The following FSHR variants were observed in gnomAD, a reference collection of about 807,000 sequenced individuals.
FSHR encodes follicle stimulating hormone receptor.
FSHR carries 46 observed loss-of-function variants against 52.1 expected under a neutral mutation model. The observed-to-expected ratio is 0.88, with a 90% CI of 0.70 to 1.13. The LOEUF is 1.13. FSHR is among the 50% of genes most tolerant of loss of function. The probability of loss-of-function intolerance (pLI) is 0.00; values close to 1 mark genes in which losing one functional copy is unlikely to be tolerated. For synonymous variants in FSHR, 399 were observed against 309.6 expected (o/e 1.29, Z -3.03); for missense variants, 964 against 834.6 (o/e 1.16, Z -1.91).
At chr2:49,079,988 T>G (rs1326764279) in intron 1 of FSHR, among the ~76,000 whole-genome samples, 2 of 152,016 alleles carry the variant, frequency 1.3e-5, no homozygotes, top group African/African-American at 4.8e-5. Flanking sequence ...ATAAAGAAAT[T>G]TGCTAAATAA....
intron 1 of FSHR, among the ~76,000 whole-genome samples, chr2:49,113,688 G>T (rs540705103): frequency 6.6e-6 from 1 of 151,968 alleles, no homozygotes. Flanking sequence ...AATCCTATTA[G>T]AGACGTAGCA....
At position 49,084,037 on chromosome 2, in the gene FSHR, T is replaced by A. The variant is rs560509802; in HGVS notation, c.153-15747A>T. Among the ~76,000 whole-genome samples the A allele has an allele frequency of 1.0e-2, 1,506 of 150,950 alleles. 25 individuals are homozygous for A. The highest frequency in any genetic ancestry group is 0.035 in the African/African-American group (1,432 of 41,358). On this transcript the variant is annotated intron_variant, in intron 1 of 9. Coordinates refer to ENST00000406846, the MANE Select transcript of FSHR (RefSeq NM_000145.4). The stretch of plus-strand genomic sequence containing the variant: ...AACTCTCCACCCCAAATCAACAGAA[T>A]ATACATTTTTTTCAGCACCACACCA...
At chr2:49,127,868 C>T (rs1558456933) in intron 1 of FSHR, among the ~76,000 whole-genome samples, 24 of 37,358 alleles carry the variant, frequency 6.4e-4, no homozygotes, top group African/African-American at 4.1e-3. Flanking sequence ...TCTTCTTCTT[C>T]TTCTTCTTCT....
chr2:49,004,509 C>T (rs1021340406), intron 4 of FSHR, among the ~76,000 whole-genome samples: 5 of 152,204 alleles, frequency 3.3e-5, no homozygotes, highest in Non-Finnish European at 5.9e-5. Context: ...GGCAGTGACA[C>T]TGGGAGCCCC....
At chr2:49,063,844 G>T (rs1224658098) in intron 2 of FSHR, among the ~76,000 whole-genome samples, 2 of 152,056 alleles carry the variant, frequency 1.3e-5, no homozygotes, top group East Asian at 1.9e-4. Flanking sequence ...CCAAAACAAA[G>T]AAATGATAAA....
chr2:48,962,874 C>A lies in FSHR; in HGVS notation c.1947G>T (p.Met649Ile), dbSNP rs752292800. Reference sequence around the variant, plus strand: ...TTTCTGTCCTATAAATTTGGGCTTGCATTTCATAGCAGCCACACTTGCTCA... The same window carrying A: ...TTTCTGTCCTATAAATTTGGGCTTGAATTTCATAGCAGCCACACTTGCTCA... ...ILLSKCGCYE[M>I]QAQIYRTETS... The change falls in exon 10 of 10, where the codon ATG (methionine) becomes ATT (isoleucine). Residue 649 changes from methionine (M) to isoleucine (I), a missense_variant. Coordinates refer to ENST00000406846, the MANE Select transcript of FSHR (RefSeq NM_000145.4). 6.2e-7 allele frequency: 1 copy of A among 1,614,120 alleles called. No individual in the cohort carries two copies. Among genetic ancestry groups the A allele is most frequent in the East Asian group, 2.2e-5 (1 of 44,878 alleles).
At chr2:49,099,639 G>T (rs1670951390) in intron 1 of FSHR, among the ~76,000 whole-genome samples, 1 of 152,012 alleles carries the variant, frequency 6.6e-6, no homozygotes, top group South Asian at 2.1e-4. Context: ...ATAGAAAATA[G>T]ACATACAGGG....
At chr2:49,025,499 A>T (rs1667885830) in intron 2 of FSHR, among the ~76,000 whole-genome samples, 1 of 152,202 alleles carries the variant, frequency 6.6e-6, no homozygotes, top group African/African-American at 2.4e-5. Context: ...TATGTTGTAT[A>T]CCTTGTGATA....
chr2:49,085,763 A>G (rs1572723603), intron 1 of FSHR, among the ~76,000 whole-genome samples: 2 of 152,294 alleles, frequency 1.3e-5, no homozygotes, highest in Non-Finnish European at 2.9e-5. Context: ...GCACATATAC[A>G]CCATGGAATA....
At chr2:49,055,704 A>C (rs1047876007) in intron 2 of FSHR, among the ~76,000 whole-genome samples, 1 of 152,100 alleles carries the variant, frequency 6.6e-6, no homozygotes, top group Admixed American at 6.6e-5. Context: ...TTGGATGAAG[A>C]GTAGATTTCT....
At chr2:49,018,860 T>TG (rs1667592163) in intron 3 of FSHR, among the ~76,000 whole-genome samples, 4 of 151,932 alleles carry the variant, frequency 2.6e-5, no homozygotes, top group East Asian at 1.9e-4. Context: ...TGTGTGTCTA[T>TG]TTGTGTGTGT....
intron 1 of FSHR, among the ~76,000 whole-genome samples, chr2:49,080,366 A>G (rs1362800442): frequency 6.6e-6 from 1 of 152,208 alleles, no homozygotes; most frequent in Non-Finnish European, 1.5e-5. Flanking sequence ...TGCCACATGT[A>G]CACCTGGGGT....
At chr2:48,965,296 C>G in intron 9 of FSHR, among the ~76,000 whole-genome samples, 1 of 152,144 alleles carries the variant, frequency 6.6e-6, no homozygotes, top group East Asian at 1.9e-4. Context: ...GAGTGCTCTC[C>G]TCTCTTCTCT....
intron 1 of FSHR, among the ~76,000 whole-genome samples, chr2:49,112,132 T>C (rs780744690): frequency 2.0e-5 from 3 of 152,170 alleles, no homozygotes; most frequent in Non-Finnish European, 4.4e-5. Context: ...CTTCCTTTAA[T>C]TGGAGTCCTA....
At chr2:49,019,611 C>G (rs1385402192) in intron 3 of FSHR, among the ~76,000 whole-genome samples, 1 of 152,164 alleles carries the variant, frequency 6.6e-6, no homozygotes, top group Non-Finnish European at 1.5e-5. Flanking sequence ...CAGGGTAATC[C>G]TATGACATAT....
chr2:49,024,653 A>G (rs1667859093), intron 2 of FSHR, among the ~76,000 whole-genome samples: 1 of 152,120 alleles, frequency 6.6e-6, no homozygotes, highest in Non-Finnish European at 1.5e-5. Flanking sequence ...GATAGAGGAG[A>G]TAAAGTCCCC....
chr2:48,966,932 C>T (rs1674501948), intron 9 of FSHR, among the ~76,000 whole-genome samples: 1 of 152,100 alleles, frequency 6.6e-6, no homozygotes, highest in Admixed American at 6.5e-5. Context: ...CAGAGAAGAC[C>T]TCATGTCCTG....
At chr2:49,133,392 A>G (rs186010803) in intron 1 of FSHR, among the ~76,000 whole-genome samples, 1 of 152,330 alleles carries the variant, frequency 6.6e-6, no homozygotes, top group Admixed American at 6.5e-5. Context: ...CCACTTAACT[A>G]CAAACCACTG....
chr2:49,084,013 A>G (rs1332022520), intron 1 of FSHR, among the ~76,000 whole-genome samples: 1 of 151,178 alleles, frequency 6.6e-6, no homozygotes, highest in Non-Finnish European at 1.5e-5. Flanking sequence ...CATCTACAGA[A>G]CTCTCCACCC....
Sources: allele counts gnomAD v4.1 joint callset (sites outside exome capture counted in the v4.1 genomes callset), GRCh38; gene constraint gnomAD v4.1.1; transcripts MANE v1.5; gene names NCBI Gene and HGNC (gene_info 2026-07-23, HGNC 2026-07-21).